Variants in OTUD7B observed in about 807,000 individuals in gnomAD.
The protein encoded by OTUD7B is OTU domain-containing protein 7B.
OTUD7B carries 34 observed loss-of-function variants against 82.2 expected under a neutral mutation model. That is an observed-to-expected ratio of 0.41 (90% CI 0.31 to 0.55). The LOEUF (loss-of-function observed/expected upper bound fraction) is 0.55, where lower values mean the gene tolerates loss of function less well. Ranked by LOEUF, OTUD7B falls within the 20% of genes least tolerant of loss-of-function variation. The pLI is 0.20. For synonymous variants in OTUD7B, 398 were observed against 402.7 expected (o/e 0.99, Z 0.14); for missense variants, 944 against 1,062.1 (o/e 0.89, Z 1.55).
In OTUD7B at chr1:149,944,342, ACT is replaced by A. The variant is rs1553771356; in HGVS notation, c.2045_2046del (p.Glu682ValfsTer74). On this transcript the variant is annotated frameshift_variant, in exon 12 of 12. Coordinates refer to ENST00000581312, the MANE Select transcript of OTUD7B (RefSeq NM_020205.4). LOFTEE classifies it high-confidence loss of function. ...REEQPTGPPA[E>X]SRAMAFSTGY... ...CCAGTGGAAAATGCCATTGCCCTGG[ACT>A]CTGCTGGGGGACCGGTCGGCTGCTC... 6.2e-7 allele frequency: 1 copy of A among 1,612,842 alleles called. No homozygotes were observed. Among genetic ancestry groups the A allele is most frequent in the Non-Finnish European group, 8.5e-7 (1 of 1,179,348 alleles).
the OTUD7B span, among the ~76,000 whole-genome samples, chr1:150,039,408 C>T: frequency 6.6e-6 from 1 of 151,644 alleles, no homozygotes; most frequent in Non-Finnish European, 1.5e-5. Context: ...GACGGATTCT[C>T]GCTCTGTCAC....
At chr1:150,047,938 G>T in the OTUD7B span, 1 of 133,462 alleles carries the variant, frequency 7.5e-6, no homozygotes, top group Non-Finnish European at 1.6e-5. Flanking sequence ...CCTGGCGACA[G>T]AGCGAGACTA....
At chr1:150,037,781 G>A in the OTUD7B span, among the ~76,000 whole-genome samples, 5 of 151,390 alleles carry the variant, frequency 3.3e-5, no homozygotes, top group Admixed American at 3.3e-4. Flanking sequence ...GCTGAGACGG[G>A]GTTTCAATCA....
intron 1 of OTUD7B, among the ~76,000 whole-genome samples, chr1:149,978,276 G>A (rs1553779041): frequency 6.6e-6 from 1 of 152,192 alleles, no homozygotes; most frequent in East Asian, 1.9e-4. Context: ...GGAGGCCGAG[G>A]CAGGTGTATC....
At chr1:150,055,049 T>TTC in the OTUD7B span, 1 of 189,748 alleles carries the variant, frequency 5.3e-6, no homozygotes, top group Non-Finnish European at 1.1e-5. Context: ...TCCTTTTTTT[T>TTC]TTTTTTGAGA....
At chr1:149,985,630 C>T (rs367778876) in intron 1 of OTUD7B, among the ~76,000 whole-genome samples, 4 of 152,074 alleles carry the variant, frequency 2.6e-5, no homozygotes, top group Non-Finnish European at 5.9e-5. Flanking sequence ...CTCCTGTAGT[C>T]CCAGCTACTC....
At chr1:150,042,241 C>T in the OTUD7B span, among the ~76,000 whole-genome samples, 8 of 151,008 alleles carry the variant, frequency 5.3e-5, 1 homozygote, top group South Asian at 2.1e-4. Flanking sequence ...GGCGCGGACT[C>T]GACTCACTGC....
intron 1 of OTUD7B, among the ~76,000 whole-genome samples, chr1:149,980,038 AG>A (rs1553779366): frequency 6.6e-6 from 1 of 152,122 alleles, no homozygotes; most frequent in Non-Finnish European, 1.5e-5. Context: ...CTCAGCAAAA[AG>A]GAAAAGAGTT....
intron 4 of OTUD7B, among the ~76,000 whole-genome samples, chr1:149,966,595 T>C (rs16841697): frequency 0.019 from 2,921 of 152,272 alleles, 80 homozygotes; most frequent in African/African-American, 0.064. Context: ...ATTATTTACA[T>C]GAGGAAAATA....
chr1:150,035,691 T>C, the OTUD7B span, among the ~76,000 whole-genome samples: 1 of 152,118 alleles, frequency 6.6e-6, no homozygotes, highest in Non-Finnish European at 1.5e-5. Context: ...AGGGGGATAA[T>C]CCTTATTTTC....
the OTUD7B span, among the ~76,000 whole-genome samples, chr1:150,026,692 A>G: frequency 6.6e-5 from 10 of 152,210 alleles, no homozygotes; most frequent in African/African-American, 2.4e-4. Flanking sequence ...TAGTTGAGAT[A>G]CGGTGACAGC....
chr1:150,015,808 G>A, the OTUD7B span, among the ~76,000 whole-genome samples: 4 of 152,100 alleles, frequency 2.6e-5, no homozygotes, highest in African/African-American at 7.2e-5. Context: ...GGAGGAACAC[G>A]GGTGAAACAC....
At chr1:150,036,566 C>G in the OTUD7B span, among the ~76,000 whole-genome samples, 1 of 152,086 alleles carries the variant, frequency 6.6e-6, no homozygotes, top group Admixed American at 6.6e-5. Flanking sequence ...CCCATTGTAA[C>G]TTTTTTGAAG....
intron 1 of OTUD7B, among the ~76,000 whole-genome samples, chr1:150,004,531 G>T (rs782409673): frequency 1.3e-4 from 19 of 151,880 alleles, no homozygotes; most frequent in Non-Finnish European, 2.4e-4. Context: ...CTGCACTCCA[G>T]CCTGAGCTGG....
upstream of OTUD7B, among the ~76,000 whole-genome samples, chr1:150,012,560 A>G (rs1653125165): frequency 6.6e-6 from 1 of 152,128 alleles, no homozygotes; most frequent in Non-Finnish European, 1.5e-5. Flanking sequence ...TCTAATCTTA[A>G]CGCCACTGCC....
At chr1:150,044,021 G>A in the OTUD7B span, among the ~76,000 whole-genome samples, 2 of 151,958 alleles carry the variant, frequency 1.3e-5, no homozygotes, top group African/African-American at 4.8e-5. Flanking sequence ...AGGAAGCTGA[G>A]GTAGGAGGAC....
the OTUD7B span, among the ~76,000 whole-genome samples, chr1:150,023,715 T>G: frequency 6.6e-6 from 1 of 152,216 alleles, no homozygotes; most frequent in African/African-American, 2.4e-5. Context: ...AGATCTGTTG[T>G]GCAGCATGAC....
At position 149,977,557 on chromosome 1, in the gene OTUD7B, A is replaced by G. The variant is rs1553778894; in HGVS notation, c.-47T>C. Reference sequence around the variant, plus strand: ...CCAGCTGGATGTAGGTAGAACATAGATCAAAATTCAGGCCTCCACCTGAGG... The same window carrying G: ...CCAGCTGGATGTAGGTAGAACATAGGTCAAAATTCAGGCCTCCACCTGAGG... On this transcript the variant is annotated 5_prime_UTR_variant, in exon 2 of 12. Transcript: ENST00000581312. The G allele has an allele frequency of 7.0e-7, 1 of 1,432,384 alleles. No individual in the cohort carries two copies. Among genetic ancestry groups the G allele is most frequent in the East Asian group, 2.3e-5 (1 of 44,060 alleles). The allele number at this position is 1,432,384 out of a possible 1,614,324, so 88.7% of individuals were successfully genotyped here. A position where few individuals can be genotyped will look rare whatever the true frequency, so the allele number is the denominator to read the frequency against.
At chr1:150,004,012 C>T (rs1652481331) in intron 1 of OTUD7B, among the ~76,000 whole-genome samples, 2 of 152,164 alleles carry the variant, frequency 1.3e-5, no homozygotes, top group African/African-American at 4.8e-5. Flanking sequence ...ATGTCTCAGA[C>T]ACCCAGGCAC....
Sources: allele counts gnomAD v4.1 joint callset (sites outside exome capture counted in the v4.1 genomes callset), GRCh38; gene constraint gnomAD v4.1.1; transcripts MANE v1.5; gene names NCBI Gene and HGNC (gene_info 2026-07-23, HGNC 2026-07-21).